Variants in TSPAN18 observed in about 807,000 individuals in gnomAD.
The protein encoded by TSPAN18 is tetraspanin-18.
TSPAN18 carries 14 observed loss-of-function variants against 27.3 expected under a neutral mutation model. The observed-to-expected ratio is 0.51, with a 90% CI of 0.34 to 0.80. TSPAN18 has a LOEUF of 0.80. TSPAN18 is among the 30% of genes least tolerant of loss of function. The pLI is 0.01. For missense variants in TSPAN18, 268 were observed against 323.9 expected (o/e 0.83, Z 1.32); for synonymous variants, 143 against 136.5 (o/e 1.05, Z -0.33).
chr11:44,793,438 C>G (rs1438454372), intron 2 of TSPAN18, among the ~76,000 whole-genome samples: 1 of 152,144 alleles, frequency 6.6e-6, no homozygotes, highest in Non-Finnish European at 1.5e-5. Flanking sequence ...AGGTGACCAG[C>G]CCTCCCAGTG....
At chr11:44,825,658 A>ACAGGTTT (rs1223187917) in intron 2 of TSPAN18, among the ~76,000 whole-genome samples, 2 of 152,100 alleles carry the variant, frequency 1.3e-5, no homozygotes, top group African/African-American at 4.8e-5. Flanking sequence ...CTATCTCCTT[A>ACAGGTTT]CAGGTTTCAG....
intron 7 of TSPAN18, 66 bp from the exon 8 acceptor site, chr11:44,919,751 C>A: frequency 2.6e-6 from 4 of 1,518,700 alleles, no homozygotes; most frequent in Non-Finnish European, 1.8e-6. Flanking sequence ...GCTGTATGTC[C>A]TTCTCTGTCC....
chr11:44,866,481 C>T (rs999443426), intron 3 of TSPAN18, among the ~76,000 whole-genome samples: 15 of 152,180 alleles, frequency 9.9e-5, no homozygotes, highest in Non-Finnish European at 1.8e-4. Flanking sequence ...TCTAATGAGG[C>T]CAGGTGGGCA....
intron 2 of TSPAN18, among the ~76,000 whole-genome samples, chr11:44,845,134 A>C (rs1243544022): frequency 1.3e-5 from 2 of 152,206 alleles, no homozygotes; most frequent in Non-Finnish European, 2.9e-5. Flanking sequence ...TGTCCCATAG[A>C]CTTTTACTGA....
intron 1 of TSPAN18, among the ~76,000 whole-genome samples, chr11:44,747,887 C>T (rs1009265657): frequency 5.3e-5 from 8 of 152,180 alleles, no homozygotes; most frequent in Non-Finnish European, 1.0e-4. Context: ...CACACAAACA[C>T]GTATGTGTGG....
At chr11:44,915,778 G>C (rs1859883170) in intron 5 of TSPAN18, among the ~76,000 whole-genome samples, 1 of 152,178 alleles carries the variant, frequency 6.6e-6, no homozygotes, top group Non-Finnish European at 1.5e-5. Flanking sequence ...CTGCACCTGT[G>C]GAGTAGTCAC....
At chr11:44,824,997 A>T (rs977061197) in intron 2 of TSPAN18, among the ~76,000 whole-genome samples, 7 of 152,088 alleles carry the variant, frequency 4.6e-5, no homozygotes, top group African/African-American at 1.7e-4. Flanking sequence ...CCATCCTCCC[A>T]GTTCAGTGTG....
chr11:44,730,447 G>A (rs10838345), intron 1 of TSPAN18, among the ~76,000 whole-genome samples: 97,617 of 151,760 alleles, frequency 0.64, 35,629 homozygotes, highest in Non-Finnish European at 0.84. Context: ...ACAGGGAGGG[G>A]GCCTTGGAAA....
At chr11:44,787,891 G>A (rs1253881752) in intron 2 of TSPAN18, among the ~76,000 whole-genome samples, 1 of 149,208 alleles carries the variant, frequency 6.7e-6, no homozygotes, top group African/African-American at 2.5e-5. Context: ...CTGTGTGTTT[G>A]CCTTAAAGCC....
At chr11:44,782,817 A>C (rs1446356574) in intron 2 of TSPAN18, among the ~76,000 whole-genome samples, 1 of 152,100 alleles carries the variant, frequency 6.6e-6, no homozygotes, top group Non-Finnish European at 1.5e-5. Context: ...TTCTTTTGTA[A>C]AATATCTGTT....
chr11:44,758,892 C>A (rs189725213), intron 1 of TSPAN18, among the ~76,000 whole-genome samples: 2 of 152,324 alleles, frequency 1.3e-5, no homozygotes, highest in African/African-American at 4.8e-5. Context: ...GGGGGCTCCT[C>A]ATCTCCTACC....
intron 2 of TSPAN18, among the ~76,000 whole-genome samples, chr11:44,811,663 T>C (rs993693133): frequency 6.6e-6 from 1 of 152,102 alleles, no homozygotes; most frequent in Admixed American, 6.5e-5. Flanking sequence ...GGTTTCACCA[T>C]GTTGGCCAGG....
At chr11:44,762,633 GTGTT>G (rs1328226479) in intron 1 of TSPAN18, among the ~76,000 whole-genome samples, 1 of 152,080 alleles carries the variant, frequency 6.6e-6, no homozygotes, top group Non-Finnish European at 1.5e-5. Context: ...GTGTGTGTGT[GTGTT>G]TGTGTGTGTG....
chr11:44,789,082 C>T (rs749595750), intron 2 of TSPAN18, among the ~76,000 whole-genome samples: 6 of 152,312 alleles, frequency 3.9e-5, no homozygotes, highest in Non-Finnish European at 5.9e-5. Flanking sequence ...TTTCCCTTCG[C>T]GCTAACCTGA....
chr11:44,773,220 C>T (rs1016149896), intron 2 of TSPAN18, among the ~76,000 whole-genome samples: 3 of 151,868 alleles, frequency 2.0e-5, no homozygotes, highest in Non-Finnish European at 4.4e-5. Flanking sequence ...AGTTCGAGAC[C>T]AGCCTGACCA....
chr11:44,863,322 CGGTT>C (rs1565182056), intron 3 of TSPAN18, among the ~76,000 whole-genome samples: 1 of 152,230 alleles, frequency 6.6e-6, no homozygotes, highest in East Asian at 1.9e-4. Context: ...CAGATGAACT[CGGTT>C]AGCCTTCTTT....
intron 2 of TSPAN18, among the ~76,000 whole-genome samples, chr11:44,841,326 G>A (rs540740626): frequency 2.0e-5 from 3 of 152,230 alleles, no homozygotes; most frequent in Non-Finnish European, 2.9e-5. Flanking sequence ...AGACCAGCCT[G>A]GCCAACATGG....
chr11:44,928,372 G>A (rs1170855425), intron 9 of TSPAN18, among the ~76,000 whole-genome samples: 1 of 152,180 alleles, frequency 6.6e-6, no homozygotes, highest in South Asian at 2.1e-4. Flanking sequence ...AGCTGGAGGC[G>A]AGCCTGCAGG....
chr11:44,870,895 G>A (rs966686756), intron 3 of TSPAN18, among the ~76,000 whole-genome samples: 36 of 152,168 alleles, frequency 2.4e-4, no homozygotes, highest in African/African-American at 7.5e-4. Context: ...TCTACTCATC[G>A]TTTCTAGTTT....
Sources: allele counts gnomAD v4.1 joint callset (sites outside exome capture counted in the v4.1 genomes callset), GRCh38; gene constraint gnomAD v4.1.1; transcripts MANE v1.5; gene names NCBI Gene and HGNC (gene_info 2026-07-23, HGNC 2026-07-21).